LRMDA: variants seen among roughly 807,000 people sequenced by gnomAD.
LRMDA encodes leucine-rich melanocyte differentiation-associated protein.
In LRMDA, 18 loss-of-function variants were observed where a neutral mutation model predicts 29.8. That is an observed-to-expected ratio of 0.60 (90% CI 0.42 to 0.90). The LOEUF is 0.90. Among genes scored for constraint, LRMDA ranks in the 40% least tolerant of loss-of-function variants. LRMDA has a pLI of 0.00. For synonymous variants in LRMDA, 125 were observed against 109.4 expected (o/e 1.14, Z -0.89); for missense variants, 273 against 273.9 (o/e 1.00, Z 0.02).
chr10:75,839,912 A>G (rs1844508949), intron 2 of LRMDA, among the ~76,000 whole-genome samples: 1 of 151,774 alleles, frequency 6.6e-6, no homozygotes, highest in Non-Finnish European at 1.5e-5. Flanking sequence ...GTTTCACCGT[A>G]TTATCCAGGA....
At chr10:75,652,311 T>A (rs530027128) in intron 2 of LRMDA, among the ~76,000 whole-genome samples, 2 of 152,326 alleles carry the variant, frequency 1.3e-5, no homozygotes, top group South Asian at 4.1e-4. Flanking sequence ...AGCAAAATGC[T>A]CAATCCTTAG....
At position 75,560,540 on chromosome 10, in the gene LRMDA, A is replaced by G. The variant is rs1169287924; in HGVS notation, c.131+122046A>G. The stretch of plus-strand genomic sequence containing the variant: ...TACCCTTTATTTGCTTCTCCTGCCT[A>G]ATTGCCCTGGTCAGAACTTCCAACA... On this transcript the variant is annotated intron_variant, in intron 2 of 6. Coordinates refer to ENST00000611255, the MANE Select transcript of LRMDA (RefSeq NM_001305581.2). 4.0e-5 allele frequency among the ~76,000 whole-genome samples: 6 copies of G among 151,720 alleles called. No homozygotes were observed. In the East Asian group the frequency reaches 5.8e-4, roughly 15 times the overall value.
At chr10:75,858,501 A>G (rs527267941) in intron 2 of LRMDA, among the ~76,000 whole-genome samples, 1 of 152,288 alleles carries the variant, frequency 6.6e-6, no homozygotes, top group African/African-American at 2.4e-5. Flanking sequence ...ATAGCACTTA[A>G]TGTGTGCTGA....
intron 2 of LRMDA, among the ~76,000 whole-genome samples, chr10:75,844,040 A>G (rs1356071544): frequency 6.6e-6 from 1 of 152,182 alleles, no homozygotes; most frequent in African/African-American, 2.4e-5. Context: ...GTCCCCTCTC[A>G]GTGAGTGACT....
chr10:75,819,955 A>T (rs1232419785), intron 2 of LRMDA, among the ~76,000 whole-genome samples: 3 of 152,248 alleles, frequency 2.0e-5, no homozygotes, highest in Non-Finnish European at 4.4e-5. Flanking sequence ...TTTTATTTTG[A>T]CAAGAGGATG....
At chr10:76,155,831 T>G (rs555275362) in intron 5 of LRMDA, among the ~76,000 whole-genome samples, 1 of 152,302 alleles carries the variant, frequency 6.6e-6, no homozygotes, top group East Asian at 1.9e-4. Context: ...AGCCTCCAGG[T>G]GTAAACAGAG....
chr10:75,829,985 C>T (rs2132290119), intron 2 of LRMDA, among the ~76,000 whole-genome samples: 1 of 152,072 alleles, frequency 6.6e-6, no homozygotes, highest in Admixed American at 6.6e-5. Context: ...GGCTTCCCTC[C>T]TTCCACCTCC....
At chr10:75,660,094 C>T (rs900355845) in intron 2 of LRMDA, among the ~76,000 whole-genome samples, 4 of 152,158 alleles carry the variant, frequency 2.6e-5, no homozygotes, top group Non-Finnish European at 4.4e-5. Flanking sequence ...TTTACACACA[C>T]ACAGGCACAC....
chr10:76,020,453 G>A (rs1029266306), intron 2 of LRMDA, among the ~76,000 whole-genome samples: 7 of 152,232 alleles, frequency 4.6e-5, no homozygotes, highest in African/African-American at 1.7e-4. Context: ...TTTCTTGAGT[G>A]CTTTCTGGTT....
chr10:75,627,110 G>A (rs1408381687), intron 2 of LRMDA, among the ~76,000 whole-genome samples: 1 of 152,218 alleles, frequency 6.6e-6, no homozygotes, highest in African/African-American at 2.4e-5. Flanking sequence ...GATGGCCAGT[G>A]CTTACCCTTG....
intron 5 of LRMDA, among the ~76,000 whole-genome samples, chr10:76,221,347 T>G (rs1344878184): frequency 6.6e-6 from 1 of 152,250 alleles, no homozygotes; most frequent in Admixed American, 6.5e-5. Context: ...TGATTGCAGA[T>G]GACATGATTG....
At chr10:75,828,847 A>G (rs1239899826) in intron 2 of LRMDA, among the ~76,000 whole-genome samples, 1 of 152,076 alleles carries the variant, frequency 6.6e-6, no homozygotes, top group Non-Finnish European at 1.5e-5. Context: ...TCTTTTTATT[A>G]TAGGTCTTTG....
At chr10:75,453,814 T>C (rs1015474695) in intron 2 of LRMDA, among the ~76,000 whole-genome samples, 10 of 152,174 alleles carry the variant, frequency 6.6e-5, no homozygotes, top group African/African-American at 2.4e-4. Flanking sequence ...GGGTACAAAG[T>C]TGTGATCCCT....
chr10:76,309,422 C>T (rs1243090304), intron 5 of LRMDA, among the ~76,000 whole-genome samples: 1 of 151,962 alleles, frequency 6.6e-6, no homozygotes, highest in Non-Finnish European at 1.5e-5. Flanking sequence ...CTTCTCAGCT[C>T]CAAAAGGAAC....
At chr10:76,189,628 G>A (rs184452350) in intron 5 of LRMDA, among the ~76,000 whole-genome samples, 26 of 152,322 alleles carry the variant, frequency 1.7e-4, no homozygotes, top group Admixed American at 9.8e-4. Context: ...GGTTTGCAGA[G>A]TGACAGATGT....
chr10:75,508,689 T>C (rs927810180), intron 2 of LRMDA, among the ~76,000 whole-genome samples: 2 of 152,166 alleles, frequency 1.3e-5, no homozygotes, highest in African/African-American at 4.8e-5. Flanking sequence ...ATTCCTACAG[T>C]GTGTGCTGTA....
chr10:76,359,567 G>A (rs927026908), intron 6 of LRMDA, among the ~76,000 whole-genome samples: 5 of 152,164 alleles, frequency 3.3e-5, no homozygotes, highest in Admixed American at 6.5e-5. Flanking sequence ...TAAAATAAAG[G>A]AGATGCACTA....
intron 2 of LRMDA, among the ~76,000 whole-genome samples, chr10:75,651,124 C>T (rs934552687): frequency 2.1e-4 from 32 of 152,172 alleles, no homozygotes; most frequent in African/African-American, 7.2e-4. Context: ...TTCTTTCTTG[C>T]CTTGTGTATA....
intron 2 of LRMDA, among the ~76,000 whole-genome samples, chr10:75,803,875 C>T (rs938994280): frequency 6.6e-6 from 1 of 152,180 alleles, no homozygotes; most frequent in African/African-American, 2.4e-5. Context: ...CATCTCTTTC[C>T]CCTGCAGCAC....
Sources: gnomAD v4.1 joint callset for allele counts (sites outside exome capture counted in the v4.1 genomes callset) on GRCh38, gnomAD v4.1.1 for gene constraint, MANE v1.5 for transcripts, NCBI Gene and HGNC (gene_info 2026-07-23, HGNC 2026-07-21) for gene names.